The following TBX4 variants were observed in gnomAD, a reference collection of about 807,000 sequenced individuals.
TBX4 encodes T-box transcription factor TBX4.
Under a neutral mutation model 54.6 loss-of-function variants are expected in TBX4, and 13 were observed. The ratio of observed to expected loss-of-function variants is 0.24; its 90% CI spans 0.15 to 0.38. The LOEUF (loss-of-function observed/expected upper bound fraction) is 0.38, where lower values mean the gene tolerates loss of function less well. Ranked by LOEUF, TBX4 falls within the 10% of genes least tolerant of loss-of-function variation. TBX4 has a pLI of 1.00. For synonymous variants in TBX4, 314 were observed against 306.7 expected, an observed-to-expected ratio of 1.02 and a Z score of -0.25; for missense variants, 631 against 728.5, an observed-to-expected ratio of 0.87 and a Z score of 1.54.
At position 61,478,586 on chromosome 17, in the gene TBX4, G is replaced by T; in HGVS notation, c.550-41G>T. Reference sequence around the variant, plus strand: ...TGAGGTCAAGGGCCTGGGGCTTGCGGATGGGGACCTGGAGCTCAGCATGAG... The same window carrying T: ...TGAGGTCAAGGGCCTGGGGCTTGCGTATGGGGACCTGGAGCTCAGCATGAG... On this transcript the variant is annotated intron_variant, in intron 5 of 8. Transcript: ENST00000644296. The surrounding 1 kb of genome is among the most constrained non-coding windows in gnomAD (Gnocchi z 7.4). 2 of 1,614,116 alleles carry T rather than the reference G, an allele frequency of 1.2e-6. No individual in the cohort carries two copies. Among genetic ancestry groups the T allele is most frequent in the Non-Finnish European group, 1.7e-6 (2 of 1,179,966 alleles).
Position 61,479,729 on chromosome 17 carries a change from C to A in TBX4, c.703-152C>A. On this transcript the variant is annotated intron_variant, in intron 6 of 8. Transcript: ENST00000644296. The surrounding 1 kb of genome is among the most constrained non-coding windows in gnomAD (Gnocchi z 6.1). Reference sequence around the variant, plus strand: ...GGCCAGAGGCCAGTCCAGTCCCACCCTCCTCCCCAAGGAGGGTAGTGAGAA... The same window carrying A: ...GGCCAGAGGCCAGTCCAGTCCCACCATCCTCCCCAAGGAGGGTAGTGAGAA... 1.2e-6 allele frequency: 1 copy of A among 813,802 alleles called. No individual in the cohort carries two copies. The highest frequency in any genetic ancestry group is 2.1e-6 in the Non-Finnish European group (1 of 479,974). 50.4% of individuals were successfully genotyped at this position (813,802 alleles called of 1,614,324 possible).
rs2060451334 is a variant in TBX4 at position 61,456,543 on chromosome 17, G to A, written c.53G>A (p.Gly18Asp). 6.4e-7 allele frequency: 1 copy of A among 1,556,700 alleles called. No homozygotes were observed. The highest frequency in any genetic ancestry group is 1.4e-5 in the African/African-American group (1 of 73,586). ...AGCGAGGAGGCCTTCCGGGCCCCGG[G>A]CCCAGCGCTCGGAGAGGCCAGCGCA... ...SESEEAFRAP[G>D]PALGEASAAN... Residue 18 changes from glycine (G) to aspartate (D), a missense_variant, in exon 2 of 9, where the codon GGC becomes GAC. Transcript: ENST00000644296.
rs1476695487 is a variant in TBX4, at chr17:61,476,673, TC to T, written c.550-1950del. On this transcript the variant is annotated intron_variant, in intron 5 of 8. Coordinates refer to ENST00000644296, the MANE Select transcript of TBX4 (RefSeq NM_001321120.2). The surrounding 1 kb of genome is among the most constrained non-coding windows in gnomAD (Gnocchi z 6.5). ...GGCAGGCCCCCAGTCGGGCAGCAGG[TC>T]CCCAGCTGCAGGACCTGGTTTGGGG... Among the ~76,000 whole-genome samples the T allele has an allele frequency of 6.6e-6, 1 of 152,186 alleles. No homozygotes were observed. Among genetic ancestry groups the T allele is most frequent in the African/African-American group, 2.4e-5 (1 of 41,436 alleles).
chr17:61,465,800 C>T lies in TBX4; in HGVS notation c.282-19C>T. 6.2e-7 allele frequency: 1 copy of T among 1,613,786 alleles called. No individual in the cohort carries two copies. The highest frequency in any genetic ancestry group is 2.2e-5 in the East Asian group (1 of 44,852). ...GGTGCTCTGTCCACACGCTCCGCCT[C>T]ACCCCTCGGCTCCCCCAGGAGGATG... On this transcript the variant is annotated intron_variant, in intron 3 of 8. Transcript: ENST00000644296. The surrounding 1 kb of genome is among the most constrained non-coding windows in gnomAD (Gnocchi z 4.9).
Position 61,476,541 on chromosome 17 carries a change from A to G in TBX4, c.550-2086A>G, listed in dbSNP as rs1041603570. Among the ~76,000 whole-genome samples, 1 of 152,210 alleles carries G rather than the reference A, an allele frequency of 6.6e-6. No homozygotes were observed. The highest frequency in any genetic ancestry group is 1.5e-5 in the Non-Finnish European group (1 of 68,024). On this transcript the variant is annotated intron_variant, in intron 5 of 8. Transcript: ENST00000644296. This position sits in a 1 kb window ranked among gnomAD's most constrained non-coding sequence, Gnocchi z 6.5. ...GGGCTGGGAGGTGTTTTCCAGGCCC[A>G]GTTCCTCTCGCCACAGGAGCATCCC... is the stretch of plus-strand genomic sequence containing the variant.
rs1415369787 is a variant in TBX4 at position 61,476,416 on chromosome 17, C to T, written c.550-2211C>T. Among the ~76,000 whole-genome samples the T allele has an allele frequency of 2.6e-5, 4 of 152,230 alleles. No homozygotes were observed. Among genetic ancestry groups the T allele is most frequent in the Non-Finnish European group, 5.9e-5 (4 of 68,042 alleles). On this transcript the variant is annotated intron_variant, in intron 5 of 8. Coordinates refer to ENST00000644296, the MANE Select transcript of TBX4 (RefSeq NM_001321120.2). The surrounding 1 kb of genome is among the most constrained non-coding windows in gnomAD (Gnocchi z 6.5). Reference sequence around the variant, plus strand: ...CTGGGCATTCCTGGAGCTATCGGGCCACCTCCCAGGTATTCCATTGCTGGA... The same window carrying T: ...CTGGGCATTCCTGGAGCTATCGGGCTACCTCCCAGGTATTCCATTGCTGGA...
intron 5 of TBX4, among the ~76,000 whole-genome samples, chr17:61,470,846 A>G (rs1405292595): frequency 6.6e-6 from 1 of 152,226 alleles, no homozygotes; most frequent in Non-Finnish European, 1.5e-5. Flanking sequence ...TGGGAAAGGA[A>G]ACTGCTTCCC....
chr17:61,463,205 C>T (rs1305685214), intron 3 of TBX4: 1 of 152,480 alleles, frequency 6.6e-6, no homozygotes, highest in Admixed American at 6.5e-5. Flanking sequence ...AAGACCTAGA[C>T]ATCTGTTGCA....
rs185638204 is a variant in TBX4, at chr17:61,460,459, T to C, written c.281+2828T>C. Reference sequence around the variant, plus strand: ...GAATCCCTTTCACTGGATAGTGACTTTGAACTGCCAAACAATTTGGCCTGG... The same window carrying C: ...GAATCCCTTTCACTGGATAGTGACTCTGAACTGCCAAACAATTTGGCCTGG... On this transcript the variant is annotated intron_variant, in intron 3 of 8. Transcript: ENST00000644296. This position sits in a 1 kb window ranked among gnomAD's most constrained non-coding sequence, Gnocchi z 4.4. 2.1e-3 allele frequency among the ~76,000 whole-genome samples: 319 copies of C among 152,296 alleles called. 1 individual carries two copies. The highest frequency in any genetic ancestry group is 7.4e-3 in the African/African-American group (308 of 41,562).
At chr17:61,467,147 G>A (rs916399257) in intron 4 of TBX4, among the ~76,000 whole-genome samples, 15 of 152,090 alleles carry the variant, frequency 9.9e-5, no homozygotes, top group Non-Finnish European at 1.8e-4. Context: ...GTGAGAACCT[G>A]TCTCTTAAAA....
chr17:61,465,802 C>A lies in TBX4; in HGVS notation c.282-17C>A. On this transcript the variant is annotated splice_polypyrimidine_tract_variant and intron_variant, in intron 3 of 8. Coordinates refer to ENST00000644296, the MANE Select transcript of TBX4 (RefSeq NM_001321120.2). This position sits in a 1 kb window ranked among gnomAD's most constrained non-coding sequence, Gnocchi z 4.9. ...TGCTCTGTCCACACGCTCCGCCTCA[C>A]CCCTCGGCTCCCCCAGGAGGATGTT... 6.2e-7 allele frequency: 1 copy of A among 1,613,768 alleles called. No homozygotes were observed. The highest frequency in any genetic ancestry group is 8.5e-7 in the Non-Finnish European group (1 of 1,179,778).
intron 5 of TBX4, 109 bp downstream of exon 5, chr17:61,467,766 C>A: frequency 7.0e-7 from 1 of 1,419,714 alleles, no homozygotes; most frequent in Non-Finnish European, 9.8e-7. Context: ...CAGCTCCAGG[C>A]TTTGGCGCTC....
rs2060641832 is a variant in TBX4 at position 61,478,883 on chromosome 17, T to G, written c.702+104T>G. ...TGTGAAGCCAGAGTCCCAGCAGGGC[T>G]TGGGCAGGCCCAGTGCAGGGACCTC... On this transcript the variant is annotated intron_variant, in intron 6 of 8. Transcript: ENST00000644296. This position sits in a 1 kb window ranked among gnomAD's most constrained non-coding sequence, Gnocchi z 7.4. 1 of 1,586,190 alleles carries G rather than the reference T, an allele frequency of 6.3e-7. No homozygotes were observed. The highest frequency in any genetic ancestry group is 1.3e-5 in the African/African-American group (1 of 74,400).
chr17:61,470,101 G>A (rs1270639332), intron 5 of TBX4, among the ~76,000 whole-genome samples: 2 of 152,122 alleles, frequency 1.3e-5, no homozygotes, highest in African/African-American at 2.4e-5. Context: ...CTCTCCTCGC[G>A]AAAGGGCAAG....
At position 61,464,562 on chromosome 17, in the gene TBX4, G is replaced by A. The variant is rs1330116454; in HGVS notation, c.282-1257G>A. Reference sequence around the variant, plus strand: ...TCCCAGAGTGGACCAGCCGGGCAGTGGCACAGCTCAGTGGGGCTTAGTGTC... The same window carrying A: ...TCCCAGAGTGGACCAGCCGGGCAGTAGCACAGCTCAGTGGGGCTTAGTGTC... On this transcript the variant is annotated intron_variant, in intron 3 of 8. Coordinates refer to ENST00000644296, the MANE Select transcript of TBX4 (RefSeq NM_001321120.2). This position sits in a 1 kb window ranked among gnomAD's most constrained non-coding sequence, Gnocchi z 5.8. Among the ~76,000 whole-genome samples the A allele has an allele frequency of 3.3e-5, 5 of 152,210 alleles. No homozygotes were observed. Among genetic ancestry groups the A allele is most frequent in the African/African-American group, 4.8e-5 (2 of 41,456 alleles).
chr17:61,458,566 G>A (rs1452819614), intron 3 of TBX4, among the ~76,000 whole-genome samples: 2 of 152,160 alleles, frequency 1.3e-5, no homozygotes, highest in African/African-American at 4.8e-5. Flanking sequence ...AGGCTCAAGT[G>A]CCAGGAATTT....
At chr17:61,473,172 G>A (rs956091984) in intron 5 of TBX4, among the ~76,000 whole-genome samples, 2 of 152,204 alleles carry the variant, frequency 1.3e-5, no homozygotes, top group African/African-American at 2.4e-5. Flanking sequence ...TCTTCAAAAC[G>A]TATTCAGGTT....
intron 8 of TBX4, among the ~76,000 whole-genome samples, chr17:61,482,586 G>T (rs116604358): frequency 6.6e-6 from 1 of 152,182 alleles, no homozygotes; most frequent in African/African-American, 2.4e-5. Context: ...CTGCACATCA[G>T]GGCCTCTCAC....
Position 61,457,691 on chromosome 17 carries a change from G to A in TBX4, c.281+60G>A, listed in dbSNP as rs1361282342. 1.3e-6 allele frequency: 2 copies of A among 1,551,014 alleles called. No individual in the cohort carries two copies. Among genetic ancestry groups the A allele is most frequent in the Non-Finnish European group, 1.8e-6 (2 of 1,127,096 alleles). Reference sequence around the variant, plus strand: ...GTGGGGAGCAAGGGGGGCCAGGGAGGTCCCTTAGAAGTCCTCTCGGCCCCG... The same window carrying A: ...GTGGGGAGCAAGGGGGGCCAGGGAGATCCCTTAGAAGTCCTCTCGGCCCCG... On this transcript the variant is annotated intron_variant, in intron 3 of 8. Transcript: ENST00000644296. The surrounding 1 kb of genome is among the most constrained non-coding windows in gnomAD (Gnocchi z 8.2).
Sources: allele counts gnomAD v4.1 joint callset (sites outside exome capture counted in the v4.1 genomes callset), GRCh38; gene constraint gnomAD v4.1.1; non-coding constraint Gnocchi (gnomAD v3.1); transcripts MANE v1.5; gene names NCBI Gene and HGNC (gene_info 2026-07-23, HGNC 2026-07-21).